The following PKIG variants were observed in gnomAD, a reference collection of about 807,000 sequenced individuals.
PKIG encodes the protein protein kinase (cAMP-dependent, catalytic) inhibitor gamma.
A neutral mutation model predicts 6.8 loss-of-function variants in PKIG; 1 was observed. The observed-to-expected ratio is 0.15, with a 90% CI of 0.05 to 0.69. PKIG has a LOEUF of 0.69. Ranked by LOEUF, PKIG falls within the 30% of genes least tolerant of loss-of-function variation. PKIG has a pLI of 0.82. For missense variants in PKIG, 77 were observed against 104.0 expected (o/e 0.74, Z 1.13); for synonymous variants, 39 against 43.0 (o/e 0.91, Z 0.36).
intron 1 of PKIG, among the ~76,000 whole-genome samples, chr20:44,534,770 C>T (rs1465027810): frequency 1.3e-5 from 2 of 151,986 alleles, no homozygotes; most frequent in East Asian, 3.9e-4. Context: ...CGCCCGGCCT[C>T]ATGCACCGTT....
chr20:44,577,018 G>A (rs565616233), intron 1 of PKIG, among the ~76,000 whole-genome samples: 2 of 152,188 alleles, frequency 1.3e-5, no homozygotes, highest in Admixed American at 6.5e-5. Flanking sequence ...AAAAAAATAC[G>A]TTGAGCAATG....
At chr20:44,594,239 T>C (rs528254631) in intron 2 of PKIG, among the ~76,000 whole-genome samples, 5 of 152,364 alleles carry the variant, frequency 3.3e-5, no homozygotes, top group African/African-American at 1.2e-4. Flanking sequence ...CCACCCTTTA[T>C]TGAGCATCTT....
intron 1 of PKIG, among the ~76,000 whole-genome samples, chr20:44,543,936 C>T (rs1436735951): frequency 2.0e-5 from 3 of 151,970 alleles, no homozygotes; most frequent in African/African-American, 7.3e-5. Context: ...TGATGGTAGA[C>T]GCCTGTAGTC....
intron 2 of PKIG, among the ~76,000 whole-genome samples, chr20:44,593,681 T>C (rs1292511129): frequency 2.6e-5 from 4 of 152,214 alleles, no homozygotes; most frequent in African/African-American, 9.6e-5. Context: ...GGCGACCTAA[T>C]GTACAGCATG....
intron 3 of PKIG, among the ~76,000 whole-genome samples, chr20:44,615,342 C>T (rs1051287016): frequency 2.0e-5 from 3 of 152,238 alleles, no homozygotes; most frequent in Non-Finnish European, 4.4e-5. Flanking sequence ...TCAGCCTTCC[C>T]CAATCACATG....
At chr20:44,616,103 G>A (rs573121239) in intron 3 of PKIG, among the ~76,000 whole-genome samples, 5 of 152,104 alleles carry the variant, frequency 3.3e-5, no homozygotes, top group Non-Finnish European at 7.4e-5. Context: ...AAGCCCCTGT[G>A]GGCCTTCACA....
chr20:44,564,048 T>C (rs1387925072), intron 1 of PKIG, among the ~76,000 whole-genome samples: 1 of 152,230 alleles, frequency 6.6e-6, no homozygotes, highest in Admixed American at 6.5e-5. Context: ...ACCTTCTCCA[T>C]TGTGAGGTCA....
chr20:44,613,796 G>C (rs2065240105), intron 2 of PKIG, among the ~76,000 whole-genome samples: 1 of 152,096 alleles, frequency 6.6e-6, no homozygotes, highest in South Asian at 2.1e-4. Flanking sequence ...CTTTGAAAAT[G>C]CACGGCTGCT....
At chr20:44,549,245 A>G (rs1204824695) in intron 1 of PKIG, among the ~76,000 whole-genome samples, 4 of 151,822 alleles carry the variant, frequency 2.6e-5, no homozygotes, top group African/African-American at 4.8e-5. Context: ...CTAAACCCCC[A>G]CTCTATGCCC....
At chr20:44,588,429 G>A (rs2065007666) in intron 1 of PKIG, among the ~76,000 whole-genome samples, 1 of 151,872 alleles carries the variant, frequency 6.6e-6, no homozygotes, top group Non-Finnish European at 1.5e-5. Flanking sequence ...ATCACCTGAG[G>A]TCAGTATTTC....
At chr20:44,561,544 T>C (rs980956468) in intron 1 of PKIG, among the ~76,000 whole-genome samples, 1 of 152,124 alleles carries the variant, frequency 6.6e-6, no homozygotes. Context: ...ATTTAAAAAA[T>C]GTAAAATATA....
chr20:44,612,398 G>A (rs2065227799), intron 2 of PKIG, among the ~76,000 whole-genome samples: 1 of 149,804 alleles, frequency 6.7e-6, no homozygotes, highest in Non-Finnish European at 1.5e-5. Context: ...GGGCCCATGG[G>A]CCCACCCCAC....
intron 2 of PKIG, among the ~76,000 whole-genome samples, chr20:44,607,908 T>G (rs904470865): frequency 6.6e-6 from 1 of 151,902 alleles, no homozygotes; most frequent in South Asian, 2.1e-4. Context: ...ATGGTCTCGA[T>G]CTCTTGACCT....
At chr20:44,581,262 T>C (rs2064945909), upstream of PKIG, among the ~76,000 whole-genome samples, 1 of 152,256 alleles carries the variant, frequency 6.6e-6, no homozygotes, top group Non-Finnish European at 1.5e-5. Flanking sequence ...AAGGATGTTA[T>C]GAGAATCAAA....
At chr20:44,573,359 A>T (rs1232738476) in intron 1 of PKIG, among the ~76,000 whole-genome samples, 1 of 152,192 alleles carries the variant, frequency 6.6e-6, no homozygotes, top group African/African-American at 2.4e-5. Flanking sequence ...CTATGAGGAG[A>T]TTATGACTAA....
At chr20:44,548,646 CTTTA>C (rs2064638235) in intron 1 of PKIG, among the ~76,000 whole-genome samples, 1 of 152,188 alleles carries the variant, frequency 6.6e-6, no homozygotes, top group Non-Finnish European at 1.5e-5. Context: ...TAAACAGCAT[CTTTA>C]TTTGTCTAGA....
intron 1 of PKIG, among the ~76,000 whole-genome samples, chr20:44,545,061 G>C (rs993119957): frequency 1.3e-5 from 2 of 149,776 alleles, no homozygotes; most frequent in African/African-American, 4.9e-5. Flanking sequence ...TCAGCTTCTG[G>C]AGTAGCTAGG....
At chr20:44,596,170 T>C (rs948156740) in intron 2 of PKIG, among the ~76,000 whole-genome samples, 1 of 152,208 alleles carries the variant, frequency 6.6e-6, no homozygotes, top group African/African-American at 2.4e-5. Context: ...TGGCAGATAA[T>C]GAACAAATGT....
chr20:44,581,585 CA>C (rs1286089412), upstream of PKIG, among the ~76,000 whole-genome samples: 1 of 152,312 alleles, frequency 6.6e-6, no homozygotes, highest in East Asian at 1.9e-4. Context: ...CTCTCGTAAC[CA>C]CTGCTGTTCC....
Sources: allele counts gnomAD v4.1 joint callset (sites outside exome capture counted in the v4.1 genomes callset), GRCh38; gene constraint gnomAD v4.1.1; transcripts MANE v1.5; gene names NCBI Gene and HGNC (gene_info 2026-07-23, HGNC 2026-07-21).